Variants in MBNL1 observed in about 807,000 individuals in gnomAD.
MBNL1 encodes the protein muscleblind like splicing regulator 1, also known as muscleblind-like protein 1.
In MBNL1, 8 loss-of-function variants were observed where a neutral mutation model predicts 42.2. That is an observed-to-expected ratio of 0.19 (90% CI 0.11 to 0.34). The LOEUF (loss-of-function observed/expected upper bound fraction) is 0.34, where lower values mean the gene tolerates loss of function less well. Among genes scored for constraint, MBNL1 ranks in the 10% least tolerant of loss-of-function variants. MBNL1 has a pLI of 1.00. For synonymous variants in MBNL1, 169 were observed against 173.9 expected (o/e 0.97, Z 0.22); for missense variants, 309 against 495.3 (o/e 0.62, Z 3.57).
At chr3:152,321,739 AT>A (rs199576352) in intron 2 of MBNL1, among the ~76,000 whole-genome samples, 3 of 151,426 alleles carry the variant, frequency 2.0e-5, no homozygotes, top group African/African-American at 2.4e-5. Flanking sequence ...ATTTTAAAGG[AT>A]TTTTTTTTCC....
At chr3:152,391,013 T>G (rs573215965) in intron 2 of MBNL1, among the ~76,000 whole-genome samples, 58 of 152,362 alleles carry the variant, frequency 3.8e-4, no homozygotes, top group Non-Finnish European at 5.7e-4. Flanking sequence ...CTCTAGGTGC[T>G]AGGTATTGAC....
At chr3:152,456,409 C>G in intron 8 of MBNL1, 48 bp downstream of exon 8, 1 of 1,444,496 alleles carries the variant, frequency 6.9e-7, no homozygotes, top group Non-Finnish European at 9.8e-7. Flanking sequence ...TCTAATAGGG[C>G]TCAATCCAAC....
chr3:152,248,994 C>T (rs867748985), intron 2 of MBNL1, among the ~76,000 whole-genome samples: 13 of 151,620 alleles, frequency 8.6e-5, no homozygotes, highest in African/African-American at 2.9e-4. Context: ...ATATGTGCCA[C>T]ATTTTCTTAA....
At chr3:152,346,353 AATC>A (rs1356296910) in intron 2 of MBNL1, among the ~76,000 whole-genome samples, 23 of 152,286 alleles carry the variant, frequency 1.5e-4, no homozygotes, top group African/African-American at 5.1e-4. Context: ...TATCTGTTTA[AATC>A]ATCGTTTATT....
At chr3:152,329,529 G>A (rs1249920900) in intron 2 of MBNL1, among the ~76,000 whole-genome samples, 10 of 151,422 alleles carry the variant, frequency 6.6e-5, no homozygotes, top group Non-Finnish European at 1.3e-4. Context: ...AGCACCTGTA[G>A]TCACAGCTAC....
chr3:152,248,872 G>T (rs1482110816), intron 2 of MBNL1, among the ~76,000 whole-genome samples: 1 of 151,700 alleles, frequency 6.6e-6, no homozygotes, highest in Non-Finnish European at 1.5e-5. Context: ...GCAGTGTTTG[G>T]TTTTTTGTTC....
At chr3:152,320,127 A>C (rs1287012421) in intron 2 of MBNL1, among the ~76,000 whole-genome samples, 3 of 152,112 alleles carry the variant, frequency 2.0e-5, no homozygotes, top group Non-Finnish European at 4.4e-5. Context: ...GCATTCATTA[A>C]ATGTTTAGTG....
intron 2 of MBNL1, among the ~76,000 whole-genome samples, chr3:152,251,433 A>G (rs2034514314): frequency 6.6e-6 from 1 of 152,132 alleles, no homozygotes; most frequent in South Asian, 2.1e-4. Context: ...ATCTCTTAGC[A>G]ATATTTAAGA....
chr3:152,430,157 G>A (rs1037666710), intron 3 of MBNL1, among the ~76,000 whole-genome samples: 3 of 152,166 alleles, frequency 2.0e-5, no homozygotes, highest in African/African-American at 7.2e-5. Flanking sequence ...TGCAACAGCT[G>A]CATCATATGC....
chr3:152,339,184 A>G (rs1187935972), intron 2 of MBNL1, among the ~76,000 whole-genome samples: 3 of 152,158 alleles, frequency 2.0e-5, no homozygotes, highest in Non-Finnish European at 4.4e-5. Context: ...CTAGGGATGC[A>G]TTACTGTCCT....
At chr3:152,322,920 A>T (rs2077264405) in intron 2 of MBNL1, among the ~76,000 whole-genome samples, 1 of 152,026 alleles carries the variant, frequency 6.6e-6, no homozygotes, top group Non-Finnish European at 1.5e-5. Flanking sequence ...AGTGAATTAC[A>T]TTTGTTTTAT....
At chr3:152,314,697 A>G (rs2069497694) in intron 2 of MBNL1, among the ~76,000 whole-genome samples, 1 of 152,300 alleles carries the variant, frequency 6.6e-6, no homozygotes, top group Non-Finnish European at 1.5e-5. Flanking sequence ...TTTAAAAAGC[A>G]TTTGCCTCAT....
intron 2 of MBNL1, among the ~76,000 whole-genome samples, chr3:152,392,079 C>CA (rs35339307): frequency 0.28 from 39,974 of 145,112 alleles, 5,349 homozygotes; most frequent in African/African-American, 0.32. Context: ...TCATTTTGTG[C>CA]AAAAAAAAAA....
chr3:152,455,514 C>T (rs760165674), intron 6 of MBNL1, 28 bp from the exon 7 acceptor site: 2 of 1,603,088 alleles, frequency 1.2e-6, no homozygotes, highest in Non-Finnish European at 1.7e-6. Flanking sequence ...TTCAAATCCA[C>T]CTTCCTGTTG....
intron 2 of MBNL1, among the ~76,000 whole-genome samples, chr3:152,261,632 G>C (rs564991069): frequency 6.6e-6 from 1 of 152,114 alleles, no homozygotes; most frequent in Non-Finnish European, 1.5e-5. Context: ...AGAGTTGCAA[G>C]GCCAGTTTGG....
intron 2 of MBNL1, among the ~76,000 whole-genome samples, chr3:152,394,019 T>G (rs1311972366): frequency 6.6e-6 from 1 of 152,216 alleles, no homozygotes; most frequent in Non-Finnish European, 1.5e-5. Context: ...AAATCTATTT[T>G]TATCACTGAC....
At chr3:152,268,616 A>G (rs1458656828), upstream of MBNL1, 1 of 396,948 alleles carries the variant, frequency 2.5e-6, no homozygotes, top group Non-Finnish European at 5.0e-6. Context: ...GATGGAAGAT[A>G]CCAACGGGAG....
chr3:152,310,435 A>G (rs552893709), intron 2 of MBNL1, among the ~76,000 whole-genome samples: 92 of 152,348 alleles, frequency 6.0e-4, no homozygotes, highest in Non-Finnish European at 1.1e-3. Context: ...TTTAGTCTTT[A>G]TGCTAAGTTT....
At chr3:152,446,739 C>T (rs1344857180) in intron 5 of MBNL1, 7 of 1,613,698 alleles carry the variant, frequency 4.3e-6, no homozygotes, top group Non-Finnish European at 5.9e-6. Context: ...AGCGACCCCT[C>T]GAGGCAACCT....
Sources: allele counts gnomAD v4.1 joint callset (sites outside exome capture counted in the v4.1 genomes callset), GRCh38; gene constraint gnomAD v4.1.1; transcripts MANE v1.5; gene names NCBI Gene and HGNC (gene_info 2026-07-23, HGNC 2026-07-21).